Variants in SNAPC1 observed in about 807,000 individuals in gnomAD.
The protein encoded by SNAPC1 is small nuclear RNA activating complex polypeptide 1, also known as snRNA-activating protein complex subunit 1.
Under a neutral mutation model 50.1 loss-of-function variants are expected in SNAPC1, and 42 were observed. The ratio of observed to expected loss-of-function variants is 0.84; its 90% confidence interval spans 0.65 to 1.08. The LOEUF is 1.08. Among genes scored for constraint, SNAPC1 ranks in the 50% least tolerant of loss-of-function variants. SNAPC1 has a pLI of 0.00. For missense variants in SNAPC1, 477 were observed against 427.3 expected (o/e 1.12, Z -1.02); for synonymous variants, 164 against 144.2 (o/e 1.14, Z -0.98).
chr14:61,792,921 C>A lies in SNAPC1; in HGVS notation c.1072+19C>A. On this transcript the variant is annotated intron_variant, in intron 9 of 9. Coordinates refer to ENST00000216294, the MANE Select transcript of SNAPC1 (RefSeq NM_003082.4). ...GGAACAGGTACAGATAAAATTTGGT[C>A]AAACTAGTCAAGTAAACTAACTTAT... is the stretch of plus-strand genomic sequence containing the variant. 5 of 1,336,696 alleles carry A rather than the reference C, an allele frequency of 3.7e-6. No homozygotes were observed. In the South Asian group the frequency reaches 6.3e-5, roughly 17 times the overall value. The allele number at this position is 1,336,696 out of a possible 1,614,324, so 82.8% of individuals were successfully genotyped here. A position where few individuals can be genotyped will look rare whatever the true frequency, so the allele number is the denominator to read the frequency against.
chr14:61,786,774 G>A (rs1413568541), intron 8 of SNAPC1, among the ~76,000 whole-genome samples: 1 of 152,170 alleles, frequency 6.6e-6, no homozygotes, highest in African/African-American at 2.4e-5. Flanking sequence ...CTTACCATCC[G>A]ACCCAGAAAT....
chr14:61,779,415 C>G (rs2045056034), intron 7 of SNAPC1, among the ~76,000 whole-genome samples: 2 of 151,560 alleles, frequency 1.3e-5, no homozygotes, highest in South Asian at 4.2e-4. Flanking sequence ...TCTTATTTTT[C>G]TCTTCTATTT....
intron 8 of SNAPC1, among the ~76,000 whole-genome samples, chr14:61,783,016 CAT>C (rs2045087757): frequency 7.9e-6 from 1 of 125,968 alleles, no homozygotes; most frequent in African/African-American, 3.1e-5. Flanking sequence ...TTTTCCAGTG[CAT>C]TTTTTTTTTT....
In SNAPC1 at chr14:61,796,063, T is replaced by C. The variant is rs2045187400; in HGVS notation, c.*1080T>C. The C allele has an allele frequency of 6.6e-6, 1 of 152,260 alleles. No individual in the cohort carries two copies. The highest frequency in any genetic ancestry group is 2.4e-5 in the African/African-American group (1 of 41,442). 9.4% of individuals were successfully genotyped at this position (152,260 alleles called of 1,614,324 possible). ...ATGGTATTATTAAGGGATTTAAAGT[T>C]TGGGTTGCATGCCTGTAATCCCAGC... is the stretch of plus-strand genomic sequence containing the variant. On this transcript the variant is annotated 3_prime_UTR_variant, in exon 10 of 10. Transcript: ENST00000216294.
intron 9 of SNAPC1, among the ~76,000 whole-genome samples, chr14:61,794,392 T>C (rs1416774840): frequency 6.6e-6 from 1 of 152,076 alleles, no homozygotes; most frequent in African/African-American, 2.4e-5. Flanking sequence ...TTTTTTGTTG[T>C]TATGTGTTTT....
chr14:61,763,166 T>A (rs2044920683), intron 1 of SNAPC1, among the ~76,000 whole-genome samples: 1 of 151,822 alleles, frequency 6.6e-6, no homozygotes, highest in African/African-American at 2.4e-5. Flanking sequence ...TAATTTTTTG[T>A]ATTTTTAGTA....
At chr14:61,768,451 T>A (rs1453112066) in intron 3 of SNAPC1, among the ~76,000 whole-genome samples, 185 bp from the exon 4 acceptor site, 1 of 152,240 alleles carries the variant, frequency 6.6e-6, no homozygotes, top group Non-Finnish European at 1.5e-5. Context: ...GCATGGCATG[T>A]GAGAGGATAC....
At position 61,795,039 on chromosome 14, in the gene SNAPC1, A is replaced by C; in HGVS notation, c.*56A>C. The C allele has an allele frequency of 1.6e-6, 2 of 1,236,378 alleles. No individual in the cohort carries two copies. Among genetic ancestry groups the C allele is most frequent in the Non-Finnish European group, 2.3e-6 (2 of 872,314 alleles). The allele number at this position is 1,236,378 out of a possible 1,614,324, so 76.6% of individuals were successfully genotyped here. A position where few individuals can be genotyped will look rare whatever the true frequency, so the allele number is the denominator to read the frequency against. On this transcript the variant is annotated 3_prime_UTR_variant, in exon 10 of 10. Transcript: ENST00000216294. ...AGTTTTCTGACAGAAGAAAAGATTG[A>C]TATTTTGTGTATTGAACAGGAAGAC...
chr14:61,778,466 A>G (rs1419648802), intron 6 of SNAPC1, among the ~76,000 whole-genome samples: 1 of 152,022 alleles, frequency 6.6e-6, no homozygotes, highest in Non-Finnish European at 1.5e-5. Flanking sequence ...CTATTATACT[A>G]TATACTGCTT....
In SNAPC1 at chr14:61,782,334, A is replaced by C. The variant is rs1244015520; in HGVS notation, c.913A>C (p.Arg305=). The C allele has an allele frequency of 6.2e-7, 1 of 1,613,556 alleles. No individual in the cohort carries two copies. Among genetic ancestry groups the C allele is most frequent in the South Asian group, 1.1e-5 (1 of 90,966 alleles). ...TGGTCAAGGGCAAGTCAAAGCAACT[A>C]GGAAAAAAGAGAAGAAAGAAAGATT... ...ASGQGQVKAT[R]KKEKKERLKP... Residue 305 remains arginine, a synonymous_variant, in exon 8 of 10, where the codon AGG becomes CGG. Transcript: ENST00000216294.
chr14:61,778,195 A>C, intron 6 of SNAPC1, 55 bp downstream of exon 6: 2 of 987,626 alleles, frequency 2.0e-6, no homozygotes, highest in Non-Finnish European at 3.1e-6. Flanking sequence ...TATACTGAGC[A>C]TTGTGACCCA....
At position 61,776,167 on chromosome 14, in the gene SNAPC1, A is replaced by C; in HGVS notation, c.607A>C (p.Lys203Gln). The change falls in exon 5 of 10, where the codon AAA (lysine) becomes CAA (glutamine). Residue 203 changes from lysine to glutamine, a missense_variant. Coordinates refer to ENST00000216294, the MANE Select transcript of SNAPC1 (RefSeq NM_003082.4). ...TTCAGTTGATAAGTCCAAGCCAGAT[A>C]AAGCCCTCAGCTTGATAAAGGATGA... is the stretch of plus-strand genomic sequence containing the variant. Reference protein sequence around the residue: ...VISVDKSKPDKALSLIKDDFF... With the variant: ...VISVDKSKPDQALSLIKDDFF... The C allele has an allele frequency of 6.2e-7, 1 of 1,611,950 alleles. No individual in the cohort carries two copies. Among genetic ancestry groups the C allele is most frequent in the South Asian group, 1.1e-5 (1 of 90,870 alleles).
chr14:61,790,580 A>C (rs3783750), intron 8 of SNAPC1, among the ~76,000 whole-genome samples: 21 of 152,026 alleles, frequency 1.4e-4, no homozygotes, highest in African/African-American at 4.8e-4. Context: ...TAAATAATCC[A>C]CCCACCTCAG....
chr14:61,791,434 A>G (rs1002844683), intron 8 of SNAPC1, among the ~76,000 whole-genome samples: 5 of 152,174 alleles, frequency 3.3e-5, no homozygotes, highest in East Asian at 1.9e-4. Flanking sequence ...TTAAAGTCAA[A>G]TATATTTTAT....
chr14:61,776,247 C>G lies in SNAPC1; in HGVS notation c.687C>G (p.Asp229Glu). The G allele has an allele frequency of 6.2e-7, 1 of 1,610,890 alleles. No individual in the cohort carries two copies. The highest frequency in any genetic ancestry group is 2.2e-5 in the East Asian group (1 of 44,836). Residue 229 changes from aspartate to glutamate, a missense_variant, in exon 5 of 10, where the codon GAC becomes GAG. By Grantham distance (45) the Asp-to-Glu change is conservative. Coordinates refer to ENST00000216294, the MANE Select transcript of SNAPC1 (RefSeq NM_003082.4). ...TGGAGCATCAGCAGTGGCACAAAGA[C>G]AGAAAGGTATGCAATCACTTGTTTG... The part of the protein sequence containing the change: ...IVLEHQQWHK[D>E]RKNPSLKSKT...
At chr14:61,773,540 G>A (rs1478123448) in intron 4 of SNAPC1, among the ~76,000 whole-genome samples, 1 of 150,606 alleles carries the variant, frequency 6.6e-6, no homozygotes, top group Non-Finnish European at 1.5e-5. Flanking sequence ...GACCACAGGC[G>A]CCTGCCACCA....
Position 61,766,765 on chromosome 14 carries a change from A to G in SNAPC1, c.129-111A>G, listed in dbSNP as rs575408810. The G allele has an allele frequency of 8.6e-6, 5 of 579,966 alleles. No homozygotes were observed. In the African/African-American group the frequency reaches 9.3e-5, roughly 11 times the overall value. The allele number at this position is 579,966 out of a possible 1,614,324, so 35.9% of individuals were successfully genotyped here. A position where few individuals can be genotyped will look rare whatever the true frequency, so the allele number is the denominator to read the frequency against. ...TGCTTGAATCATGAAAGAATCAGGT[A>G]TGGAATCCTCATCAAATTATAACTA... is the stretch of plus-strand genomic sequence containing the variant. On this transcript the variant is annotated intron_variant, in intron 1 of 9. Coordinates refer to ENST00000216294, the MANE Select transcript of SNAPC1 (RefSeq NM_003082.4).
chr14:61,794,437 G>A (rs942500031), intron 9 of SNAPC1, among the ~76,000 whole-genome samples: 14 of 151,880 alleles, frequency 9.2e-5, no homozygotes, highest in Non-Finnish European at 1.6e-4. Flanking sequence ...ATGGAGTCTC[G>A]CTCTGTCGTC....
chr14:61,769,422 G>A (rs2044972373), intron 4 of SNAPC1, among the ~76,000 whole-genome samples: 1 of 133,662 alleles, frequency 7.5e-6, no homozygotes, highest in Non-Finnish European at 1.6e-5. Flanking sequence ...TTCTCACACG[G>A]AGTCTTGCTC....
Sources: allele counts gnomAD v4.1 joint callset (sites outside exome capture counted in the v4.1 genomes callset), GRCh38; gene constraint gnomAD v4.1.1; transcripts MANE v1.5; gene names NCBI Gene and HGNC (gene_info 2026-07-23, HGNC 2026-07-21).